The following PLAC1 variants were observed in gnomAD, a reference collection of about 807,000 sequenced individuals.
PLAC1 encodes the protein placenta-specific protein 1.
For missense variants in PLAC1, 136 were observed against 163.2 expected, an observed-to-expected ratio of 0.83 and a Z score of 0.91; for synonymous variants, 68 against 62.1, an observed-to-expected ratio of 1.09 and a Z score of -0.44.
intron 2 of PLAC1, among the ~76,000 whole-genome samples, chrX:134,670,763 G>T (rs772719387): frequency 1.3e-4 from 15 of 112,191 alleles, no homozygotes; most frequent in Non-Finnish European, 2.8e-4. Context: ...CATACCAAGA[G>T]CAAGCAGTCA....
In PLAC1 at chrX:134,618,318, T is replaced by A. The variant is rs947776118; in HGVS notation, c.-130-16196A>T. On this transcript the variant is annotated intron_variant, in intron 1 of 2. Transcript: ENST00000359237. ...CATATCCTCAGGAAAGAGCTTTGGA[T>A]CTTCTTAAGAACTTGCTTATCAGCA... 2.7e-5 allele frequency among the ~76,000 whole-genome samples: 3 copies of A among 112,390 alleles called. No homozygotes were observed. The South Asian group carries it at 1.1e-3, about 41-fold the overall frequency.
chrX:134,613,887 C>T lies in PLAC1; in HGVS notation c.-130-11765G>A, dbSNP rs1234163240. On this transcript the variant is annotated intron_variant, in intron 1 of 2. Transcript: ENST00000359237. ...ATACCTCACAGCCCCTCACCGCCTACGAAATCAAGTCCAGTCCCCTTCCCT... is the reference window on the plus strand; with the variant it reads ...ATACCTCACAGCCCCTCACCGCCTATGAAATCAAGTCCAGTCCCCTTCCCT... 6.3e-5 allele frequency among the ~76,000 whole-genome samples: 7 copies of T among 110,941 alleles called. 1 individual carries two copies. The highest frequency in any genetic ancestry group is 2.8e-4 in the East Asian group (1 of 3,530).
intron 1 of PLAC1, among the ~76,000 whole-genome samples, chrX:134,618,141 T>C (rs1480335588): frequency 2.7e-5 from 3 of 112,054 alleles, no homozygotes; most frequent in African/African-American, 9.8e-5. Context: ...TCAGGGCTCC[T>C]CAACAGTTTC....
intron 1 of PLAC1, chrX:134,607,740 C>T (rs1199757392): frequency 8.9e-6 from 1 of 111,844 alleles, no homozygotes; most frequent in East Asian, 2.8e-4. Flanking sequence ...TTAGCCCTCC[C>T]TGAAGAGAGA....
At chrX:134,696,047 T>A (rs1176872055) in intron 2 of PLAC1, among the ~76,000 whole-genome samples, 1 of 111,273 alleles carries the variant, frequency 9.0e-6, no homozygotes, top group Non-Finnish European at 1.9e-5. Flanking sequence ...GGTATAAGTA[T>A]GTCCCATGCA....
At chrX:134,650,088 G>A (rs1457751778) in intron 1 of PLAC1, among the ~76,000 whole-genome samples, 1 of 111,883 alleles carries the variant, frequency 8.9e-6, no homozygotes, top group African/African-American at 3.3e-5. Context: ...GGTACCCTCT[G>A]CCTTCAGTCT....
At chrX:134,674,162 G>A (rs1377843959) in intron 2 of PLAC1, among the ~76,000 whole-genome samples, 1 of 112,417 alleles carries the variant, frequency 8.9e-6, no homozygotes, top group Non-Finnish European at 1.9e-5. Flanking sequence ...CAAGTTGAAT[G>A]GTAAAGGAAG....
intron 1 of PLAC1, among the ~76,000 whole-genome samples, chrX:134,619,278 A>G (rs1239484958): frequency 1.8e-5 from 2 of 112,442 alleles, no homozygotes; most frequent in Non-Finnish European, 3.7e-5. Flanking sequence ...AATTCTGCAC[A>G]TAGTTTCAGA....
chrX:134,763,856 GAAAGAGAAA>G (rs1231607898), intron 1 of PLAC1, among the ~76,000 whole-genome samples: 1 of 105,930 alleles, frequency 9.4e-6, no homozygotes, highest in Non-Finnish European at 1.9e-5. Flanking sequence ...AAGAAAGAAA[GAAAGAGAAA>G]AGAAAAGGGA....
At chrX:134,585,653 C>G (rs776112943) in intron 2 of PLAC1, among the ~76,000 whole-genome samples, 1 of 110,775 alleles carries the variant, frequency 9.0e-6, no homozygotes, top group East Asian at 2.9e-4. Context: ...AGGTGGGGAC[C>G]CTGAGGTGGG....
At chrX:134,612,113 A>G (rs2078157066) in intron 1 of PLAC1, among the ~76,000 whole-genome samples, 1 of 112,373 alleles carries the variant, frequency 8.9e-6, no homozygotes, top group African/African-American at 3.2e-5. Context: ...ACCTGATTTC[A>G]TTAGAAAGTA....
chrX:134,700,940 A>G (rs2078580923), intron 2 of PLAC1, among the ~76,000 whole-genome samples: 1 of 112,081 alleles, frequency 8.9e-6, no homozygotes, highest in African/African-American at 3.2e-5. Flanking sequence ...AAAAAATTCT[A>G]AAGTTCACAT....
chrX:134,672,008 AC>A (rs753564238), intron 2 of PLAC1, among the ~76,000 whole-genome samples: 137 of 111,422 alleles, frequency 1.2e-3, no homozygotes, highest in African/African-American at 4.2e-3. Flanking sequence ...TAGAATGGAA[AC>A]CCCAGGAGGG....
At chrX:134,757,040 G>A (rs753116800) in intron 1 of PLAC1, among the ~76,000 whole-genome samples, 1 of 111,805 alleles carries the variant, frequency 8.9e-6, no homozygotes, top group Non-Finnish European at 1.9e-5. Context: ...CGAATGGATA[G>A]CTAATAAATG....
intron 2 of PLAC1, among the ~76,000 whole-genome samples, chrX:134,577,642 C>G (rs773541208): frequency 9.1e-6 from 1 of 109,615 alleles, no homozygotes; most frequent in Non-Finnish European, 1.9e-5. Context: ...GAGCTGAGGT[C>G]GCGCCACTGC....
intron 2 of PLAC1, among the ~76,000 whole-genome samples, chrX:134,601,362 C>T (rs2078088221): frequency 9.0e-6 from 1 of 111,625 alleles, no homozygotes; most frequent in Admixed American, 9.6e-5. Flanking sequence ...TAGGATAAAT[C>T]CTTAGAAGGA....
intron 2 of PLAC1, among the ~76,000 whole-genome samples, chrX:134,663,608 A>G (rs1026965533): frequency 1.8e-5 from 2 of 112,309 alleles, no homozygotes; most frequent in African/African-American, 6.5e-5. Context: ...TAACCTGAAA[A>G]CAAACACACA....
intron 1 of PLAC1, among the ~76,000 whole-genome samples, chrX:134,628,203 A>T (rs1042006320): frequency 1.8e-5 from 2 of 112,041 alleles, no homozygotes; most frequent in Non-Finnish European, 3.8e-5. Context: ...TAACTTCACA[A>T]CACCTTCAGA....
intron 2 of PLAC1, among the ~76,000 whole-genome samples, chrX:134,702,714 A>T (rs1431797405): frequency 1.8e-5 from 2 of 111,805 alleles, no homozygotes; most frequent in Non-Finnish European, 3.8e-5. Flanking sequence ...TACCCATGCA[A>T]CAGACCTGCA....
Sources: gnomAD v4.1 joint callset for allele counts (sites outside exome capture counted in the v4.1 genomes callset) on GRCh38, gnomAD v4.1.1 for gene constraint, MANE v1.5 for transcripts, NCBI Gene and HGNC (gene_info 2026-07-23, HGNC 2026-07-21) for gene names.